ZWILCH: variants seen among roughly 807,000 people sequenced by gnomAD.
The protein encoded by ZWILCH is protein zwilch homolog.
Under a neutral mutation model 79.9 loss-of-function variants are expected in ZWILCH, and 74 were observed. The ratio of observed to expected loss-of-function variants is 0.93; its 90% CI spans 0.77 to 1.12. The LOEUF is 1.12. ZWILCH is among the 50% of genes most tolerant of loss of function. The pLI is 0.00. For synonymous variants in ZWILCH, 241 were observed against 228.2 expected (o/e 1.06, Z -0.51); for missense variants, 694 against 687.5 (o/e 1.01, Z -0.11).
At chr15:66,525,785 G>C (rs1194427881) in intron 8 of ZWILCH, among the ~76,000 whole-genome samples, 1 of 130,576 alleles carries the variant, frequency 7.7e-6, no homozygotes, top group African/African-American at 3.1e-5. Context: ...TTTTTGAGAC[G>C]GAGTCTCACT....
At chr15:66,518,481 C>T (rs911113269) in intron 4 of ZWILCH, among the ~76,000 whole-genome samples, 8 of 151,932 alleles carry the variant, frequency 5.3e-5, no homozygotes, top group Admixed American at 1.3e-4. Context: ...GGGGTTTCAC[C>T]GTGTTAGCCA....
chr15:66,508,315 A>T (rs1376258376), intron 1 of ZWILCH, among the ~76,000 whole-genome samples: 1 of 152,238 alleles, frequency 6.6e-6, no homozygotes, highest in Non-Finnish European at 1.5e-5. Context: ...TTGAAAAGGA[A>T]ATGGTCAACA....
chr15:66,544,836 C>T (rs1460541960), intron 17 of ZWILCH, among the ~76,000 whole-genome samples: 3 of 150,694 alleles, frequency 2.0e-5, no homozygotes, highest in East Asian at 2.0e-4. Flanking sequence ...CTCCGCCTCC[C>T]GGGTTCAAGC....
chr15:66,547,320 T>A (rs968498094), intron 18 of ZWILCH: 2 of 146,472 alleles, frequency 1.4e-5, no homozygotes, highest in African/African-American at 5.0e-5. Flanking sequence ...TGCCTCAGCC[T>A]CCCAAGTAGC....
intron 12 of ZWILCH, 152 bp from the exon 13 acceptor site, chr15:66,532,095 G>C (rs1894868390): frequency 5.7e-6 from 3 of 523,366 alleles, no homozygotes; most frequent in Non-Finnish European, 9.6e-6. Context: ...TAATAACTTG[G>C]GGGGTTTTGT....
At chr15:66,508,705 T>C (rs1595900982) in intron 1 of ZWILCH, 136 bp from the exon 2 acceptor site, 3 of 1,438,294 alleles carry the variant, frequency 2.1e-6, no homozygotes, top group Non-Finnish European at 2.7e-6. Context: ...CAACTACATC[T>C]TAGGGCTGCT....
chr15:66,527,456 T>G (rs1894711029), intron 9 of ZWILCH, 73 bp downstream of exon 9: 1 of 1,235,654 alleles, frequency 8.1e-7, no homozygotes, highest in Non-Finnish European at 1.2e-6. Context: ...TTAAGCTTGA[T>G]ACTCTTTTTT....
chr15:66,545,880 A>G (rs752305479), intron 17 of ZWILCH, among the ~76,000 whole-genome samples: 4 of 152,224 alleles, frequency 2.6e-5, no homozygotes, highest in Non-Finnish European at 5.9e-5. Context: ...TGGACTGAGC[A>G]CTTAAGTCCA....
chr15:66,505,542 G>A, intron 1 of ZWILCH, 151 bp downstream of exon 1: 1 of 853,088 alleles, frequency 1.2e-6, no homozygotes, highest in Non-Finnish European at 1.9e-6. Context: ...GCCGGTTCTC[G>A]GCTCCGGTGT....
At position 66,509,856 on chromosome 15, in the gene ZWILCH, TATATATATATATATCTCTTAAAAATCA is replaced by T. The variant is rs1257030076; in HGVS notation, c.105+967_105+993del. ...ATATATATATATATATATATATATATATATATATATATATCTCTTAAAAATCAATGAGGAAGATGGCTGGGCACGATG... is the reference window on the plus strand; with the variant it reads ...ATATATATATATATATATATATATATATGAGGAAGATGGCTGGGCACGATG... On this transcript the variant is annotated intron_variant, in intron 2 of 18. Transcript: ENST00000307897. 5.1e-3 allele frequency among the ~76,000 whole-genome samples: 458 copies of T among 89,848 alleles called. 4 individuals are homozygous for T. The highest frequency in any genetic ancestry group is 0.016 in the African/African-American group (418 of 26,520). The allele number at this position is 89,848 out of a possible 152,430, so 58.9% of individuals were successfully genotyped here.
intron 4 of ZWILCH, among the ~76,000 whole-genome samples, chr15:66,516,435 A>G (rs1894259827): frequency 6.6e-6 from 1 of 152,240 alleles, no homozygotes; most frequent in Non-Finnish European, 1.5e-5. Context: ...TGAGAATGAT[A>G]ACTACTGTAA....
At position 66,523,643 on chromosome 15, in the gene ZWILCH, A is replaced by T. The variant is rs746224543; in HGVS notation, c.748-34A>T. The T allele has an allele frequency of 3.1e-5, 44 of 1,423,650 alleles. 1 individual carries two copies. Among genetic ancestry groups the T allele is most frequent in the Non-Finnish European group, 4.1e-5 (42 of 1,012,636 alleles). 88.2% of individuals were successfully genotyped at this position (1,423,650 alleles called of 1,614,324 possible). On this transcript the variant is annotated intron_variant, in intron 7 of 18. Coordinates refer to ENST00000307897, the MANE Select transcript of ZWILCH (RefSeq NM_017975.5). Reference sequence around the variant, plus strand: ...CTTATGTAGAGAAGGTAGGATTAGCACTAGAAAACTGACAGACTTTGGAAA... The same window carrying T: ...CTTATGTAGAGAAGGTAGGATTAGCTCTAGAAAACTGACAGACTTTGGAAA...
rs1894800899 is a variant in ZWILCH at position 66,529,653 on chromosome 15, C to T, written c.1155+80C>T. On this transcript the variant is annotated intron_variant, in intron 12 of 18. Transcript: ENST00000307897. ...AGACACAGGCTCTGAAGCCAACTGC[C>T]TGAGTCTGAATTTCAGCTCTGCTAC... is the stretch of plus-strand genomic sequence containing the variant. The T allele has an allele frequency of 1.1e-5, 12 of 1,103,546 alleles. No homozygotes were observed. The South Asian group carries it at 1.6e-4, about 15-fold the overall frequency. 68.4% of individuals were successfully genotyped at this position (1,103,546 alleles called of 1,614,324 possible).
intron 4 of ZWILCH, among the ~76,000 whole-genome samples, chr15:66,518,175 T>A (rs1355775114): frequency 6.6e-6 from 1 of 152,158 alleles, no homozygotes; most frequent in African/African-American, 2.4e-5. Flanking sequence ...TCTGTCACTT[T>A]CTGGTGCGTG....
In ZWILCH at chr15:66,515,890, A is replaced by G. The variant is rs182107535; in HGVS notation, c.320+246A>G. Among the ~76,000 whole-genome samples, 700 of 152,130 alleles carry G rather than the reference A, an allele frequency of 4.6e-3. 5 individuals carry two copies. The highest frequency in any genetic ancestry group is 0.015 in the African/African-American group (636 of 41,512). ...TATACCAATTTATTGTTGTTTCTCA[A>G]TTGTTTTCCTTATGTGTAATCTGGT... On this transcript the variant is annotated intron_variant, in intron 4 of 18. Transcript: ENST00000307897.
At position 66,529,483 on chromosome 15, in the gene ZWILCH, T is replaced by C. The variant is rs372560460; in HGVS notation, c.1076-11T>C. On this transcript the variant is annotated splice_polypyrimidine_tract_variant and intron_variant, in intron 11 of 18. Transcript: ENST00000307897. ...CCCTGAAAATAATGTTACACTGACT[T>C]GTTTTCCAAGGTGTGATTTCATACC... 4.4e-6 allele frequency: 7 copies of C among 1,604,788 alleles called. No homozygotes were observed. Among genetic ancestry groups the C allele is most frequent in the Non-Finnish European group, 6.0e-6 (7 of 1,171,734 alleles).
At chr15:66,532,553 T>G in intron 13 of ZWILCH, 150 bp downstream of exon 13, 1 of 553,040 alleles carries the variant, frequency 1.8e-6, no homozygotes, top group East Asian at 3.4e-5. Flanking sequence ...GCATTTCCCT[T>G]CTCTGGGCCT....
chr15:66,507,061 C>T (rs903762111), intron 1 of ZWILCH, among the ~76,000 whole-genome samples: 8 of 152,252 alleles, frequency 5.3e-5, no homozygotes, highest in Admixed American at 1.3e-4. Context: ...AGAGGTTTCA[C>T]CATGTTGGCC....
At chr15:66,520,078 C>G (rs1247171366) in intron 5 of ZWILCH, among the ~76,000 whole-genome samples, 1 of 151,496 alleles carries the variant, frequency 6.6e-6, no homozygotes, top group Non-Finnish European at 1.5e-5. Context: ...GAGTAGCTGG[C>G]ATTACAGGCA....
Sources: allele counts gnomAD v4.1 joint callset (sites outside exome capture counted in the v4.1 genomes callset), GRCh38; gene constraint gnomAD v4.1.1; transcripts MANE v1.5; gene names NCBI Gene and HGNC (gene_info 2026-07-23, HGNC 2026-07-21).